The following KCNQ3 variants were observed in gnomAD, a reference collection of about 807,000 sequenced individuals.
KCNQ3 encodes potassium voltage-gated channel subfamily Q member 3, also known as potassium voltage-gated channel subfamily KQT member 3.
Under a neutral mutation model 92.5 loss-of-function variants are expected in KCNQ3, and 30 were observed. The ratio of observed to expected loss-of-function variants is 0.32; its 90% CI spans 0.24 to 0.44. The LOEUF (loss-of-function observed/expected upper bound fraction) is 0.44, where lower values mean the gene tolerates loss of function less well. Ranked by LOEUF, KCNQ3 falls within the 20% of genes least tolerant of loss-of-function variation. The probability of loss-of-function intolerance (pLI) is 1.00; values close to 1 mark genes in which losing one functional copy is unlikely to be tolerated. For synonymous variants in KCNQ3, 450 were observed against 468.8 expected (o/e 0.96, Z 0.52); for missense variants, 913 against 1,140.3 (o/e 0.80, Z 2.87).
chr8:132,462,739 T>G (rs180966542), intron 1 of KCNQ3, among the ~76,000 whole-genome samples: 1 of 152,192 alleles, frequency 6.6e-6, no homozygotes, highest in East Asian at 1.9e-4. Flanking sequence ...ATTATACACA[T>G]CTGGCAGTGT....
chr8:132,311,810 T>C (rs1817601163), intron 1 of KCNQ3, among the ~76,000 whole-genome samples: 1 of 152,122 alleles, frequency 6.6e-6, no homozygotes, highest in Admixed American at 6.5e-5. Context: ...GCAGATGTAG[T>C]TGAGCTGAAT....
At chr8:132,231,634 A>G (rs1305240045) in intron 1 of KCNQ3, among the ~76,000 whole-genome samples, 2 of 152,234 alleles carry the variant, frequency 1.3e-5, no homozygotes, top group Non-Finnish European at 2.9e-5. Context: ...AACCAGGAAG[A>G]GAGTCCATCA....
chr8:132,147,246 G>C (rs900848404), intron 9 of KCNQ3, among the ~76,000 whole-genome samples: 1 of 152,190 alleles, frequency 6.6e-6, no homozygotes, highest in Non-Finnish European at 1.5e-5. Context: ...ACGGGTTCTA[G>C]ATGGGCTGTG....
intron 1 of KCNQ3, chr8:132,186,430 T>G: frequency 4.5e-6 from 2 of 440,986 alleles, no homozygotes; most frequent in Non-Finnish European, 4.3e-6. Flanking sequence ...AGCTAATTAG[T>G]AGAATCAGCT....
chr8:132,213,784 A>G lies in KCNQ3; in HGVS notation c.387-27603T>C, dbSNP rs538684629. Reference sequence around the variant, plus strand: ...AACAAAGACCCCAAGTCCACTTATCAAGGTCCCCTTGACCTCACGGGGCTC... The same window carrying G: ...AACAAAGACCCCAAGTCCACTTATCGAGGTCCCCTTGACCTCACGGGGCTC... On this transcript the variant is annotated intron_variant, in intron 1 of 14. Coordinates refer to ENST00000388996, the MANE Select transcript of KCNQ3 (RefSeq NM_004519.4). Among the ~76,000 whole-genome samples, 19 of 152,336 alleles carry G rather than the reference A, an allele frequency of 1.2e-4. No individual in the cohort carries two copies. The East Asian group carries it at 3.3e-3, about 26-fold the overall frequency.
chr8:132,300,156 G>T (rs1817169654), intron 1 of KCNQ3, among the ~76,000 whole-genome samples: 1 of 152,222 alleles, frequency 6.6e-6, no homozygotes, highest in African/African-American at 2.4e-5. Flanking sequence ...TGAATTGAAA[G>T]AATGTGCCTA....
intron 11 of KCNQ3, 89 bp downstream of exon 11, chr8:132,139,987 T>C (rs1586762438): frequency 7.7e-6 from 7 of 905,336 alleles, no homozygotes; most frequent in Non-Finnish European, 1.2e-5. Flanking sequence ...CTTCCCAAAG[T>C]GCAAGATAAT....
chr8:132,287,706 T>C (rs1816717780), intron 1 of KCNQ3, among the ~76,000 whole-genome samples: 1 of 152,252 alleles, frequency 6.6e-6, no homozygotes, highest in Admixed American at 6.5e-5. Flanking sequence ...TTTGTATGTA[T>C]GATTTTATCT....
chr8:132,295,232 A>C (rs1816981577), intron 1 of KCNQ3, among the ~76,000 whole-genome samples: 1 of 152,266 alleles, frequency 6.6e-6, no homozygotes, highest in Non-Finnish European at 1.5e-5. Context: ...AAAGGACATA[A>C]ACAGACACTT....
intron 6 of KCNQ3, among the ~76,000 whole-genome samples, chr8:132,173,816 G>A (rs932381066): frequency 6.6e-6 from 1 of 152,212 alleles, no homozygotes; most frequent in Admixed American, 6.5e-5. Context: ...CAGGACAAGA[G>A]AAGGGAACTC....
chr8:132,387,105 C>T (rs1413742128), intron 1 of KCNQ3, among the ~76,000 whole-genome samples: 2 of 152,180 alleles, frequency 1.3e-5, no homozygotes. Context: ...CTCTCAAATA[C>T]TCACAGAAGC....
intron 1 of KCNQ3, among the ~76,000 whole-genome samples, chr8:132,399,363 C>T (rs1056827674): frequency 6.6e-6 from 1 of 152,156 alleles, no homozygotes; most frequent in African/African-American, 2.4e-5. Context: ...AAGCAACCAG[C>T]TGCCTGTCCC....
intron 1 of KCNQ3, among the ~76,000 whole-genome samples, chr8:132,328,728 C>T (rs1818139045): frequency 6.6e-6 from 1 of 152,120 alleles, no homozygotes; most frequent in Non-Finnish European, 1.5e-5. Flanking sequence ...TCTTCTCTTC[C>T]CCTCAACTCG....
At chr8:132,356,742 C>A (rs1332177311) in intron 1 of KCNQ3, among the ~76,000 whole-genome samples, 2 of 152,164 alleles carry the variant, frequency 1.3e-5, no homozygotes, top group East Asian at 3.9e-4. Flanking sequence ...CAGCACCTGG[C>A]ACTTAGTGGA....
chr8:132,473,881 C>T (rs181447786), intron 1 of KCNQ3, among the ~76,000 whole-genome samples: 1 of 152,324 alleles, frequency 6.6e-6, no homozygotes, highest in African/African-American at 2.4e-5. Context: ...ACTAGGCAGG[C>T]CCTTTATGTT....
At chr8:132,185,438 G>T (rs939290580) in intron 2 of KCNQ3, among the ~76,000 whole-genome samples, 2 of 152,248 alleles carry the variant, frequency 1.3e-5, no homozygotes, top group East Asian at 3.9e-4. Flanking sequence ...GCCCTTGTTA[G>T]AGCCTCCTCT....
intron 1 of KCNQ3, among the ~76,000 whole-genome samples, chr8:132,266,822 A>C (rs1003568360): frequency 6.6e-6 from 1 of 152,214 alleles, no homozygotes; most frequent in Non-Finnish European, 1.5e-5. Context: ...CCAGGACCAC[A>C]GTTGGAAAAC....
chr8:132,371,825 C>T (rs979725507), intron 1 of KCNQ3, among the ~76,000 whole-genome samples: 2 of 152,192 alleles, frequency 1.3e-5, no homozygotes, highest in Non-Finnish European at 1.5e-5. Flanking sequence ...GCAGAGGAGG[C>T]CTCATGTTTC....
At chr8:132,241,351 G>A (rs1814991115) in intron 1 of KCNQ3, among the ~76,000 whole-genome samples, 1 of 151,930 alleles carries the variant, frequency 6.6e-6, no homozygotes, top group African/African-American at 2.4e-5. Flanking sequence ...ACCTTATAAA[G>A]GTGTTATGCA....
Sources: allele counts gnomAD v4.1 joint callset (sites outside exome capture counted in the v4.1 genomes callset), GRCh38; gene constraint gnomAD v4.1.1; transcripts MANE v1.5; gene names NCBI Gene and HGNC (gene_info 2026-07-23, HGNC 2026-07-21).